The following USP32 variants were observed in gnomAD, a reference collection of about 807,000 sequenced individuals.
The protein encoded by USP32 is ubiquitin specific peptidase 32.
Under a neutral mutation model 204.8 loss-of-function variants are expected in USP32, and 59 were observed. The observed-to-expected ratio is 0.29, with a 90% CI of 0.23 to 0.36. USP32 has a LOEUF of 0.36. Among genes scored for constraint, USP32 ranks in the 10% least tolerant of loss-of-function variants. USP32 has a pLI of 1.00. For synonymous variants in USP32, 517 were observed against 678.4 expected, an observed-to-expected ratio of 0.76 and a Z score of 3.70; for missense variants, 1,160 against 1,946.4, an observed-to-expected ratio of 0.60 and a Z score of 7.60.
chr17:60,191,008 A>G (rs1265981665), intron 28 of USP32, among the ~76,000 whole-genome samples: 1 of 152,222 alleles, frequency 6.6e-6, no homozygotes, highest in Non-Finnish European at 1.5e-5. Flanking sequence ...CACTCAAGAA[A>G]TTCCAAATTC....
At chr17:60,188,893 C>A (rs2084311263) in intron 29 of USP32, among the ~76,000 whole-genome samples, 1 of 152,238 alleles carries the variant, frequency 6.6e-6, no homozygotes, top group African/African-American at 2.4e-5. Context: ...CCTAGCAAGG[C>A]ATCAATAGCC....
At chr17:60,216,286 G>T (rs1251737005) in intron 16 of USP32, among the ~76,000 whole-genome samples, 1 of 128,382 alleles carries the variant, frequency 7.8e-6, no homozygotes, top group Non-Finnish European at 1.5e-5. Flanking sequence ...ATCAAAGAGA[G>T]GTGGCAAAAA....
intron 19 of USP32, among the ~76,000 whole-genome samples, chr17:60,211,751 T>C (rs2084972436): frequency 6.6e-6 from 1 of 152,096 alleles, no homozygotes; most frequent in Non-Finnish European, 1.5e-5. Flanking sequence ...TTAATTGCTA[T>C]GATTTTTCAA....
intron 1 of USP32, among the ~76,000 whole-genome samples, chr17:60,369,986 AC>A (rs2089405957): frequency 6.6e-6 from 1 of 151,762 alleles, no homozygotes; most frequent in Non-Finnish European, 1.5e-5. Flanking sequence ...TAATCCTCCC[AC>A]CTTGGCCTCC....
At chr17:60,260,843 A>G (rs572440046) in intron 9 of USP32, among the ~76,000 whole-genome samples, 1 of 152,176 alleles carries the variant, frequency 6.6e-6, no homozygotes, top group African/African-American at 2.4e-5. Context: ...TCAGAATAGT[A>G]TATCTTCCCC....
chr17:60,221,395 A>G (rs1177958306), intron 15 of USP32, among the ~76,000 whole-genome samples: 2 of 152,210 alleles, frequency 1.3e-5, no homozygotes, highest in African/African-American at 2.4e-5. Context: ...AGTCTGTTTT[A>G]TAACAGATTT....
intron 2 of USP32, among the ~76,000 whole-genome samples, chr17:60,330,986 G>C (rs966547801): frequency 1.3e-5 from 2 of 152,090 alleles, no homozygotes; most frequent in Admixed American, 6.5e-5. Context: ...ACTCAAGCTA[G>C]TCATATACCT....
At chr17:60,349,147 G>A (rs1055324223) in intron 1 of USP32, among the ~76,000 whole-genome samples, 5 of 150,184 alleles carry the variant, frequency 3.3e-5, no homozygotes, top group African/African-American at 1.2e-4. Flanking sequence ...CATAGTATTA[G>A]AATATATTAC....
intron 11 of USP32, among the ~76,000 whole-genome samples, chr17:60,241,157 C>T (rs993699907): frequency 1.1e-4 from 17 of 152,250 alleles, no homozygotes; most frequent in African/African-American, 3.4e-4. Flanking sequence ...GCCACCATGG[C>T]CGGCTAATTT....
intron 1 of USP32, among the ~76,000 whole-genome samples, chr17:60,369,251 C>T (rs1487263976): frequency 7.3e-6 from 1 of 137,790 alleles, no homozygotes; most frequent in Non-Finnish European, 1.5e-5. Flanking sequence ...GCCTCGGCCT[C>T]CCAAAGTGCT....
chr17:60,290,661 T>C (rs1439330792), intron 4 of USP32, among the ~76,000 whole-genome samples: 2 of 151,932 alleles, frequency 1.3e-5, no homozygotes, highest in African/African-American at 4.8e-5. Context: ...ATTCTTGTAA[T>C]CTCCAAAGTG....
intron 8 of USP32, 115 bp downstream of exon 8, chr17:60,265,861 A>T (rs237955): frequency 0.074 from 58,281 of 787,846 alleles, 5,773 homozygotes; most frequent in African/African-American, 0.39. Context: ...TTTGAGTAGC[A>T]TAATGTAGTA....
At position 60,413,527 on chromosome 17, in the gene USP32, G is replaced by A. The variant is rs527680414; in HGVS notation, c.106+8719C>T. 3.9e-5 allele frequency among the ~76,000 whole-genome samples: 6 copies of A among 152,266 alleles called. No individual in the cohort carries two copies. The South Asian group carries it at 1.2e-3, about 32-fold the overall frequency. The stretch of plus-strand genomic sequence containing the variant: ...ATTAAAAAAATTTTGATTTCTAATT[G>A]GTTAAGAGGCAAAGCTTTTGTCTAA... On this transcript the variant is annotated intron_variant, in intron 1 of 3. Coordinates refer to the USP32 transcript ENST00000588898.
upstream of USP32, chr17:60,392,439 C>G (rs1598313850): frequency 8.3e-6 from 2 of 240,184 alleles, no homozygotes; most frequent in African/African-American, 2.4e-5. Context: ...GGCGCCTCCG[C>G]TGGCGACGGG....
chr17:60,199,428 G>C (rs2084616597), intron 26 of USP32, among the ~76,000 whole-genome samples: 1 of 152,146 alleles, frequency 6.6e-6, no homozygotes, highest in Non-Finnish European at 1.5e-5. Context: ...ATACTGCACA[G>C]AATTATCCTG....
chr17:60,284,605 G>A (rs1016898705), intron 5 of USP32, among the ~76,000 whole-genome samples: 1 of 152,044 alleles, frequency 6.6e-6, no homozygotes, highest in Admixed American at 6.6e-5. Context: ...AAATAAAACG[G>A]AGCCATTTTT....
At position 60,340,716 on chromosome 17, in the gene USP32, T is replaced by C. The variant is rs532192323; in HGVS notation, c.186+4765A>G. On this transcript the variant is annotated intron_variant, in intron 2 of 33. Coordinates refer to ENST00000300896, the MANE Select transcript of USP32 (RefSeq NM_032582.4). ...TGTGAATTTGATCCTGTCATTATGA[T>C]GTTAGCTGGTTATTTTGCCCATTAA... Among the ~76,000 whole-genome samples the C allele has an allele frequency of 2.1e-3, 324 of 152,340 alleles. 2 individuals are homozygous for C. Among genetic ancestry groups the C allele is most frequent in the African/African-American group, 7.4e-3 (306 of 41,578 alleles).
At chr17:60,278,327 T>C (rs933969858) in intron 5 of USP32, among the ~76,000 whole-genome samples, 1 of 151,928 alleles carries the variant, frequency 6.6e-6, no homozygotes, top group Admixed American at 6.6e-5. Flanking sequence ...TGTTTAGAGA[T>C]GAGAAGTGAA....
chr17:60,235,089 T>C (rs2085686583), intron 12 of USP32, among the ~76,000 whole-genome samples: 1 of 152,188 alleles, frequency 6.6e-6, no homozygotes, highest in African/African-American at 2.4e-5. Flanking sequence ...AGGGACACGC[T>C]GCTAAGAGTA....
Sources: gnomAD v4.1 joint callset for allele counts (sites outside exome capture counted in the v4.1 genomes callset) on GRCh38, gnomAD v4.1.1 for gene constraint, MANE v1.5 for transcripts, NCBI Gene and HGNC (gene_info 2026-07-23, HGNC 2026-07-21) for gene names.